The following CHIC1 variants were observed in gnomAD, a reference collection of about 807,000 sequenced individuals.
CHIC1 encodes the protein cysteine-rich hydrophobic domain-containing protein 1.
In CHIC1, 7 loss-of-function variants were observed where a neutral mutation model predicts 18.5. The observed-to-expected ratio is 0.38, with a 90% CI of 0.22 to 0.71. The LOEUF is 0.71. Ranked by LOEUF, CHIC1 falls within the 30% of genes least tolerant of loss-of-function variation. The pLI is 0.49. For missense variants in CHIC1, 159 were observed against 176.9 expected (o/e 0.90, Z 0.57); for synonymous variants, 77 against 73.5 (o/e 1.05, Z -0.25).
At chrX:73,668,759 G>A (rs1362592040) in intron 3 of CHIC1, among the ~76,000 whole-genome samples, 1 of 112,154 alleles carries the variant, frequency 8.9e-6, no homozygotes, top group African/African-American at 3.2e-5. Flanking sequence ...CCTTTTGCCA[G>A]CCTGAACATG....
rs1197926147 is a variant in CHIC1 at position 73,677,435 on chromosome X, A to G, written c.508-1891A>G. ...ACCTAATCAAACAACTAACTCAGCA[A>G]TGGCAGGCACCCCTCCCCCAGCCTC... On this transcript the variant is annotated intron_variant, in intron 3 of 5. Transcript: ENST00000373502. 3.6e-5 allele frequency among the ~76,000 whole-genome samples: 4 copies of G among 111,611 alleles called. No individual in the cohort carries two copies. The Admixed American group carries it at 3.8e-4, about 11-fold the overall frequency.
intron 3 of CHIC1, among the ~76,000 whole-genome samples, chrX:73,615,489 C>A (rs1229653055): frequency 8.9e-6 from 1 of 111,988 alleles, no homozygotes. Context: ...CTGCACTGGG[C>A]TGAGCAGACA....
chrX:73,588,131 A>G (rs1181533684), intron 3 of CHIC1, among the ~76,000 whole-genome samples: 1 of 111,381 alleles, frequency 9.0e-6, no homozygotes, highest in Non-Finnish European at 1.9e-5. Flanking sequence ...AATTTACAGA[A>G]CATAAAGTTA....
chrX:73,641,281 C>T (rs1259214081), intron 3 of CHIC1, among the ~76,000 whole-genome samples: 4 of 110,434 alleles, frequency 3.6e-5, no homozygotes, highest in Non-Finnish European at 7.6e-5. Context: ...TAATATGTGC[C>T]ATGTGTCAAT....
In CHIC1 at chrX:73,577,429, G is replaced by A; in HGVS notation, c.319G>A (p.Asp107Asn). The A allele has an allele frequency of 8.3e-7, 1 of 1,199,551 alleles. No individual in the cohort carries two copies. The highest frequency in any genetic ancestry group is 1.1e-6 in the Non-Finnish European group (1 of 886,219). ...ITVFGLSNKF[D>N]TEFPSVLTGK... The stretch of plus-strand genomic sequence containing the variant: ...AAGGTTTGGCTTGAGCAACAAGTTT[G>A]ATACTGAATTTCCCTCCGTTCTAAC... Residue 107 changes from aspartate to asparagine, a missense_variant, in exon 2 of 6, where the codon GAT (aspartate) becomes AAT (asparagine). By Grantham distance (23) the Asp-to-Asn change is conservative (BLOSUM62 1). Coordinates refer to ENST00000373502, the MANE Select transcript of CHIC1 (RefSeq NM_001039840.4).
At chrX:73,679,739 T>A (rs762495509) in intron 5 of CHIC1, 26 bp downstream of exon 5, 40 of 840,062 alleles carry the variant, frequency 4.8e-5, no homozygotes, top group Non-Finnish European at 6.1e-5. Flanking sequence ...TTTTTAATTA[T>A]TTTTTTATTC....
chrX:73,674,661 T>C (rs1374155005), intron 3 of CHIC1, among the ~76,000 whole-genome samples: 1 of 112,034 alleles, frequency 8.9e-6, no homozygotes, highest in Non-Finnish European at 1.9e-5. Context: ...TCTATCAATT[T>C]TGTTGATCTT....
At chrX:73,605,534 T>C (rs1325159496) in intron 3 of CHIC1, among the ~76,000 whole-genome samples, 1 of 108,664 alleles carries the variant, frequency 9.2e-6, no homozygotes, top group Non-Finnish European at 1.9e-5. Context: ...CTTCTGTCAT[T>C]ATCATGCTAG....
intron 3 of CHIC1, among the ~76,000 whole-genome samples, chrX:73,640,425 A>T (rs2057849957): frequency 9.0e-6 from 1 of 111,434 alleles, no homozygotes; most frequent in Admixed American, 9.5e-5. Flanking sequence ...TGCTGGATTG[A>T]GTTTGCTAGT....
At chrX:73,677,613 C>G (rs2058074074) in intron 3 of CHIC1, among the ~76,000 whole-genome samples, 1 of 111,840 alleles carries the variant, frequency 8.9e-6, no homozygotes, top group Non-Finnish European at 1.9e-5. Flanking sequence ...GTGGGAGTGA[C>G]CCGATTTTCC....
intron 1 of CHIC1, among the ~76,000 whole-genome samples, chrX:73,574,317 G>T (rs1409630827): frequency 9.0e-6 from 1 of 110,818 alleles, no homozygotes; most frequent in African/African-American, 3.3e-5. Flanking sequence ...TGTGCTGCTG[G>T]ATTCGGATTG....
chrX:73,630,602 T>A (rs139646707), intron 3 of CHIC1, among the ~76,000 whole-genome samples: 23 of 111,780 alleles, frequency 2.1e-4, no homozygotes, highest in African/African-American at 7.5e-4. Flanking sequence ...ATGATTGTGG[T>A]GTATGATCCT....
intron 3 of CHIC1, among the ~76,000 whole-genome samples, chrX:73,600,395 C>G (rs1309788360): frequency 1.3e-3 from 117 of 91,255 alleles, no homozygotes; most frequent in African/African-American, 4.6e-3. Context: ...TGAGAGAGGG[C>G]ATCCCTGTCT....
chrX:73,660,322 G>A (rs975986465), intron 3 of CHIC1, among the ~76,000 whole-genome samples: 1 of 111,722 alleles, frequency 9.0e-6, no homozygotes, highest in Admixed American at 9.5e-5. Context: ...ATTAATGAGG[G>A]ACCCCACTGG....
chrX:73,579,998 A>G (rs2057519086), intron 2 of CHIC1, among the ~76,000 whole-genome samples: 1 of 110,431 alleles, frequency 9.1e-6, no homozygotes, highest in African/African-American at 3.3e-5. Context: ...CAACTTTACC[A>G]TTGGCTTTGA....
chrX:73,663,263 G>T (rs1328059908), intron 3 of CHIC1, among the ~76,000 whole-genome samples: 5 of 111,044 alleles, frequency 4.5e-5, no homozygotes, highest in Non-Finnish European at 9.4e-5. Flanking sequence ...GTTCTATGTG[G>T]CCGGCTTTTA....
chrX:73,603,802 T>C (rs2057664713), intron 3 of CHIC1, among the ~76,000 whole-genome samples: 1 of 108,984 alleles, frequency 9.2e-6, no homozygotes, highest in Non-Finnish European at 1.9e-5. Flanking sequence ...ATGGATTACA[T>C]TTATTGATTT....
intron 3 of CHIC1, among the ~76,000 whole-genome samples, chrX:73,585,937 C>T (rs2057550895): frequency 1.8e-5 from 2 of 111,019 alleles, no homozygotes; most frequent in African/African-American, 6.5e-5. Context: ...TAATTAAAAG[C>T]TCATAGTGAA....
At chrX:73,598,110 A>C (rs998009236) in intron 3 of CHIC1, among the ~76,000 whole-genome samples, 2 of 111,119 alleles carry the variant, frequency 1.8e-5, no homozygotes, top group African/African-American at 6.5e-5. Flanking sequence ...TAGGAGAATG[A>C]TTTGCAAACC....
Sources: allele counts gnomAD v4.1 joint callset (sites outside exome capture counted in the v4.1 genomes callset), GRCh38; gene constraint gnomAD v4.1.1; transcripts MANE v1.5; gene names NCBI Gene and HGNC (gene_info 2026-07-23, HGNC 2026-07-21).